The following CDC42BPA variants were observed in gnomAD, a reference collection of about 807,000 sequenced individuals.
The protein encoded by CDC42BPA is serine/threonine-protein kinase MRCK alpha.
In CDC42BPA, 80 loss-of-function variants were observed where a neutral mutation model predicts 223.5. That is an observed-to-expected ratio of 0.36 (90% CI 0.30 to 0.43). CDC42BPA has a LOEUF of 0.43. Ranked by LOEUF, CDC42BPA falls within the 20% of genes least tolerant of loss-of-function variation. The probability of loss-of-function intolerance (pLI) is 1.00; values close to 1 mark genes in which losing one functional copy is unlikely to be tolerated. For synonymous variants in CDC42BPA, 694 were observed against 718.6 expected (o/e 0.97, Z 0.55); for missense variants, 1,743 against 2,099.9 (o/e 0.83, Z 3.32).
At chr1:227,200,722 T>C (rs1671612366) in intron 3 of CDC42BPA, among the ~76,000 whole-genome samples, 1 of 152,144 alleles carries the variant, frequency 6.6e-6, no homozygotes, top group African/African-American at 2.4e-5. Context: ...TGTATACACT[T>C]AGAAGTAGAA....
rs555927825 is a variant in CDC42BPA, at chr1:227,094,823, A to G, written c.2250-2832T>C. On this transcript the variant is annotated intron_variant, in intron 15 of 36. Transcript: ENST00000366766. ...GGCCTACAGTCAATTAGCTCGAGAT[A>G]TTTGACTTACTGAGCATAAAGGGTC... 2.0e-5 allele frequency among the ~76,000 whole-genome samples: 3 copies of G among 152,338 alleles called. No individual in the cohort carries two copies. In the East Asian group the frequency reaches 5.8e-4, roughly 29 times the overall value.
chr1:227,219,672 G>C (rs2150426752), intron 2 of CDC42BPA, among the ~76,000 whole-genome samples: 1 of 151,842 alleles, frequency 6.6e-6, no homozygotes, highest in East Asian at 1.9e-4. Context: ...CTACCCACTG[G>C]GCCTATATAT....
chr1:227,138,170 C>T (rs1481020447), intron 10 of CDC42BPA, among the ~76,000 whole-genome samples: 1 of 151,976 alleles, frequency 6.6e-6, no homozygotes. Context: ...AAAAGTATGA[C>T]AGTAAAGTTT....
rs1660560640 is a variant in CDC42BPA at position 227,145,490 on chromosome 1, G to T, written c.1142C>A (p.Ser381Tyr). The change falls in exon 8 of 37, where the codon TCT becomes TAT. Residue 381 changes from serine (S) to tyrosine (Y), a missense_variant and splice_region_variant. This residue lies in a region of CDC42BPA where 321 missense variants were observed against 488.7 expected (regional missense o/e 0.66). Coordinates refer to ENST00000366766, the MANE Select transcript of CDC42BPA (RefSeq NM_001394014.1). ...ACTTCTTCACAGTGTCATACTTACA[G>T]AATTTTTTAAACAATCATCATCTAC... ...FDVDDDCLKN[S>Y]ETMPPPTHTA... 6.2e-7 allele frequency: 1 copy of T among 1,612,290 alleles called. No individual in the cohort carries two copies. Among genetic ancestry groups the T allele is most frequent in the Non-Finnish European group, 8.5e-7 (1 of 1,178,972 alleles).
At chr1:227,306,066 T>C (rs758462932) in intron 1 of CDC42BPA, among the ~76,000 whole-genome samples, 6 of 151,538 alleles carry the variant, frequency 4.0e-5, no homozygotes, top group Non-Finnish European at 7.4e-5. Context: ...AATGTCATTC[T>C]GAAAGCTTTC....
intron 34 of CDC42BPA, among the ~76,000 whole-genome samples, chr1:227,012,321 A>C (rs1446093551): frequency 2.0e-5 from 3 of 152,174 alleles, no homozygotes; most frequent in Non-Finnish European, 4.4e-5. Context: ...TAAAACGGTA[A>C]ATTATTTTAA....
intron 34 of CDC42BPA, chr1:227,010,836 A>C (rs1671390197): frequency 8.2e-7 from 1 of 1,214,422 alleles, no homozygotes; most frequent in Admixed American, 2.5e-5. Flanking sequence ...GGAAATCCAT[A>C]CATGGTTAGT....
At chr1:227,201,593 G>A (rs1287542648) in intron 3 of CDC42BPA, among the ~76,000 whole-genome samples, 1 of 152,150 alleles carries the variant, frequency 6.6e-6, no homozygotes, top group Non-Finnish European at 1.5e-5. Context: ...ATTGTTGTGT[G>A]CAGAGGTTAC....
intron 2 of CDC42BPA, among the ~76,000 whole-genome samples, chr1:227,223,273 G>C (rs1040797192): frequency 6.6e-6 from 1 of 152,136 alleles, no homozygotes; most frequent in East Asian, 1.9e-4. Flanking sequence ...AATATTTGTG[G>C]GGGAGAAGAT....
chr1:227,077,113 C>T (rs942748322), intron 17 of CDC42BPA, among the ~76,000 whole-genome samples: 2 of 152,156 alleles, frequency 1.3e-5, no homozygotes, highest in African/African-American at 4.8e-5. Context: ...AAATAAGGGA[C>T]AGTTCCTGAA....
chr1:227,040,144 G>T lies in CDC42BPA; in HGVS notation c.3186C>A (p.Gly1062=). 6.3e-7 allele frequency: 1 copy of T among 1,595,724 alleles called. No individual in the cohort carries two copies. Among genetic ancestry groups the T allele is most frequent in the Non-Finnish European group, 8.6e-7 (1 of 1,163,510 alleles). Residue 1062 remains glycine, a synonymous_variant, in exon 24 of 37, where the codon GGC becomes GGA. Transcript: ENST00000366766. ...TSLMVGLIRQ[G]CSCEVCGFSC... is the part of the protein sequence containing the mutation. ...TTGTGTTCTTACCTTCACATGAACA[G>T]CCCTGTCTTATTAAACCCACCATCA...
Position 227,302,862 on chromosome 1 carries a change from G to T in CDC42BPA, c.178+14143C>A, listed in dbSNP as rs75691231. On this transcript the variant is annotated intron_variant, in intron 1 of 36. Coordinates refer to ENST00000366766, the MANE Select transcript of CDC42BPA (RefSeq NM_001394014.1). Reference sequence around the variant, plus strand: ...TTCTACTTTCCAATCTTGTACTGAGGTTTCCATTTTAGCTATCATAATAAT... The same window carrying T: ...TTCTACTTTCCAATCTTGTACTGAGTTTTCCATTTTAGCTATCATAATAAT... Among the ~76,000 whole-genome samples the T allele has an allele frequency of 5.1e-3, 775 of 151,616 alleles. 6 individuals are homozygous for T. Among genetic ancestry groups the T allele is most frequent in the African/African-American group, 0.018 (742 of 41,248 alleles).
chr1:227,013,839 C>T (rs1350775195), intron 34 of CDC42BPA, among the ~76,000 whole-genome samples: 1 of 151,850 alleles, frequency 6.6e-6, no homozygotes, highest in East Asian at 1.9e-4. Context: ...AATTTGTATC[C>T]TGCTACCCCT....
intron 2 of CDC42BPA, among the ~76,000 whole-genome samples, chr1:227,229,022 CTGA>C (rs1290082551): frequency 2.0e-5 from 3 of 152,076 alleles, no homozygotes; most frequent in African/African-American, 7.2e-5. Flanking sequence ...GTTTTAAACT[CTGA>C]TGAAATCTTA....
At chr1:227,028,592 CG>C in intron 30 of CDC42BPA, 64 bp downstream of exon 30, 1 of 1,087,702 alleles carries the variant, frequency 9.2e-7, no homozygotes, top group Non-Finnish European at 1.3e-6. Context: ...ATTTGGGAGA[CG>C]AAGTAGAAGG....
chr1:227,028,659 C>A lies in CDC42BPA; in HGVS notation c.4430G>T (p.Cys1477Phe). The change falls in exon 30 of 37, where the codon TGT (cysteine) becomes TTT (phenylalanine). Residue 1477 changes from cysteine to phenylalanine, a missense_variant and splice_region_variant. Cys to Phe is a radical substitution (Grantham distance 205, BLOSUM62 -2). This residue lies in a region of CDC42BPA where 678 missense variants were observed against 777.5 expected (regional missense o/e 0.87). Transcript: ENST00000366766. Reference protein sequence around the residue: ...ELMWPANPSSCCYNAPYLSVY... With the variant: ...ELMWPANPSSFCYNAPYLSVY... ...AGCCGTAAGAAAGAGAATCTTACAA[C>A]AAGAGGAAGGATTTGCTGGCCACAT... is the stretch of plus-strand genomic sequence containing the variant. 2 of 1,542,312 alleles carry A rather than the reference C, an allele frequency of 1.3e-6. No homozygotes were observed. The highest frequency in any genetic ancestry group is 1.8e-6 in the Non-Finnish European group (2 of 1,138,732).
At chr1:227,248,106 C>T (rs576259487) in intron 2 of CDC42BPA, among the ~76,000 whole-genome samples, 10 of 151,854 alleles carry the variant, frequency 6.6e-5, no homozygotes, top group African/African-American at 2.2e-4. Context: ...GAAACAACCT[C>T]AAAGGGTAAA....
chr1:227,169,317 T>C (rs975551617), intron 5 of CDC42BPA, among the ~76,000 whole-genome samples: 6 of 152,188 alleles, frequency 3.9e-5, no homozygotes, highest in Non-Finnish European at 5.9e-5. Context: ...TCTTTATACA[T>C]TGGGTAATTC....
chr1:227,069,202 C>T (rs1238367740), intron 21 of CDC42BPA: 2 of 151,876 alleles, frequency 1.3e-5, no homozygotes, highest in Admixed American at 6.6e-5. Context: ...TTTACTGAGA[C>T]AAAAATATAC....
Sources: gnomAD v4.1 joint callset for allele counts (sites outside exome capture counted in the v4.1 genomes callset) on GRCh38, gnomAD v4.1.1 for gene constraint, gnomAD v4.1.1 regional missense constraint, MANE v1.5 for transcripts, NCBI Gene and HGNC (gene_info 2026-07-23, HGNC 2026-07-21) for gene names.